SUPT6H: variants seen among roughly 807,000 people sequenced by gnomAD.
SUPT6H encodes transcription elongation factor SPT6.
In SUPT6H, 11 loss-of-function variants were observed where a neutral mutation model predicts 222.3. The ratio of observed to expected loss-of-function variants is 0.05; its 90% CI spans 0.03 to 0.08. The LOEUF (loss-of-function observed/expected upper bound fraction) is 0.08. SUPT6H is among the 10% of genes least tolerant of loss of function. The probability of loss-of-function intolerance (pLI) is 1.00; values close to 1 mark genes in which losing one functional copy is unlikely to be tolerated. For missense variants in SUPT6H, 1,422 were observed against 2,216.0 expected, an observed-to-expected ratio of 0.64 and a Z score of 7.19; for synonymous variants, 762 against 801.2, an observed-to-expected ratio of 0.95 and a Z score of 0.83.
chr17:28,671,444 C>CT (rs1300924708), intron 1 of SUPT6H, among the ~76,000 whole-genome samples: 6 of 152,132 alleles, frequency 3.9e-5, no homozygotes, highest in Non-Finnish European at 7.3e-5. Flanking sequence ...AGCTTGTAGT[C>CT]TAAGTGAGAG....
intron 1 of SUPT6H, among the ~76,000 whole-genome samples, chr17:28,672,170 A>T (rs1416333058): frequency 6.6e-6 from 1 of 152,252 alleles, no homozygotes; most frequent in African/African-American, 2.4e-5. Context: ...AAGTATGAAT[A>T]GTGTATGTAA....
intron 8 of SUPT6H, 48 bp downstream of exon 8, chr17:28,677,864 C>T: frequency 6.5e-7 from 1 of 1,540,904 alleles, no homozygotes; most frequent in South Asian, 1.1e-5. Flanking sequence ...AAAGACACTT[C>T]ATCAAGATGG....
At chr17:28,686,296 T>C (rs2031375812) in intron 19 of SUPT6H, 43 bp from the exon 20 acceptor site, 2 of 1,566,600 alleles carry the variant, frequency 1.3e-6, no homozygotes, top group South Asian at 2.2e-5. Flanking sequence ...CTGAAATCTT[T>C]ACATCCTCAG....
intron 29 of SUPT6H, among the ~76,000 whole-genome samples, chr17:28,696,603 A>G (rs916456851): frequency 4.6e-5 from 7 of 151,136 alleles, no homozygotes; most frequent in African/African-American, 1.7e-4. Context: ...AAAAAAAAAA[A>G]AGCCAGGCAT....
chr17:28,681,840 T>C lies in SUPT6H; in HGVS notation c.1499-42T>C, dbSNP rs1283815068. 1.9e-5 allele frequency: 29 copies of C among 1,550,960 alleles called. No individual in the cohort carries two copies. In the East Asian group the frequency reaches 4.4e-4, roughly 23 times the overall value. On this transcript the variant is annotated intron_variant, in intron 12 of 36. Coordinates refer to ENST00000314616, the MANE Select transcript of SUPT6H (RefSeq NM_003170.5). ...TAATGTGTCAGATCCTTGGGAGTGA[T>C]TGGAAACTAGAACCCTAAATCTCCC...
At chr17:28,678,989 T>C (rs377041146) in intron 11 of SUPT6H, 26 bp downstream of exon 11, 11 of 1,613,796 alleles carry the variant, frequency 6.8e-6, no homozygotes, top group Non-Finnish European at 9.3e-6. Flanking sequence ...TTTATTCCAT[T>C]ATGGGAAGCC....
intron 1 of SUPT6H, among the ~76,000 whole-genome samples, chr17:28,664,379 G>A (rs964228634): frequency 1.3e-5 from 2 of 152,300 alleles, no homozygotes; most frequent in South Asian, 4.1e-4. Context: ...GTGGCGACAC[G>A]CCTGTAATCC....
At chr17:28,679,605 C>T (rs900896432) in intron 11 of SUPT6H, among the ~76,000 whole-genome samples, 3 of 151,756 alleles carry the variant, frequency 2.0e-5, no homozygotes, top group South Asian at 4.2e-4. Flanking sequence ...TGGTCTTGAT[C>T]TCCTGACCTC....
rs1231691123 is a variant in SUPT6H, at chr17:28,689,968, A to C, written c.3343-114A>C. ...TAAATGTTGATGGAAAGAAAAGAAG[A>C]AGCCCTGACAGAAACTTACTCCCAT... On this transcript the variant is annotated intron_variant, in intron 25 of 36. Coordinates refer to ENST00000314616, the MANE Select transcript of SUPT6H (RefSeq NM_003170.5). 7.6e-6 allele frequency: 10 copies of C among 1,311,120 alleles called. No individual in the cohort carries two copies. The South Asian group carries it at 9.3e-5, about 12-fold the overall frequency. 81.2% of individuals were successfully genotyped at this position (1,311,120 alleles called of 1,614,324 possible).
chr17:28,667,428 T>TATATAC (rs1555546918), intron 1 of SUPT6H, among the ~76,000 whole-genome samples: 2 of 134,836 alleles, frequency 1.5e-5, no homozygotes, highest in Non-Finnish European at 3.2e-5. Context: ...TATATATATA[T>TATATAC]ATATATATGT....
Position 28,700,392 on chromosome 17 carries a change from G to T in SUPT6H, c.4686G>T (p.Gln1562His). ...CCCTGCCTCAGAACATGACTTCACA[G>T]ATGTTCAGTGCCATTGCTGCGGTGA... ...VNALPQNMTS[Q>H]MFSAIAAVTG... Residue 1562 changes from glutamine (Q) to histidine (H), a missense_variant, in exon 35 of 37, where the codon CAG becomes CAT. Around this residue, in one of 13 missense-constraint regions of SUPT6H, gnomAD observed 395 missense variants for 580.6 expected, o/e 0.68. Transcript: ENST00000314616. 1 of 1,614,234 alleles carries T rather than the reference G, an allele frequency of 6.2e-7. No individual in the cohort carries two copies. Among genetic ancestry groups the T allele is most frequent in the Non-Finnish European group, 8.5e-7 (1 of 1,180,044 alleles).
chr17:28,693,368 C>T (rs1270069161), intron 27 of SUPT6H, among the ~76,000 whole-genome samples: 24 of 151,206 alleles, frequency 1.6e-4, no homozygotes, highest in Non-Finnish European at 2.1e-4. Context: ...GGCTGAGGCA[C>T]GAGAATCGGC....
At chr17:28,670,619 C>G (rs1025849417) in intron 1 of SUPT6H, among the ~76,000 whole-genome samples, 1 of 152,182 alleles carries the variant, frequency 6.6e-6, no homozygotes, top group African/African-American at 2.4e-5. Flanking sequence ...GGCGCGGTGG[C>G]TCACGCCTGT....
Position 28,686,320 on chromosome 17 carries a change from C to T in SUPT6H, c.2488-19C>T. ...TTACATCCTCAGAGCCATTCAGCTT[C>T]AATTTTCTTTCAATCCAGGCTCAAG... On this transcript the variant is annotated intron_variant, in intron 19 of 36. Transcript: ENST00000314616. 1 of 1,612,618 alleles carries T rather than the reference C, an allele frequency of 6.2e-7. No individual in the cohort carries two copies. The highest frequency in any genetic ancestry group is 8.5e-7 in the Non-Finnish European group (1 of 1,178,692).
rs757056674 is a variant in SUPT6H, at chr17:28,701,677, T to A, written c.*52T>A. ...CCTCTGAGGCTGGGAAAGGCCTGGC[T>A]GCCCACTGCCTCCCTCCCTGCCCCT... On this transcript the variant is annotated 3_prime_UTR_variant, in exon 37 of 37. Transcript: ENST00000314616. The A allele has an allele frequency of 2.0e-6, 3 of 1,531,932 alleles. No individual in the cohort carries two copies. Among genetic ancestry groups the A allele is most frequent in the Non-Finnish European group, 2.7e-6 (3 of 1,130,214 alleles). The allele number at this position is 1,531,932 out of a possible 1,614,324, so 94.9% of individuals were successfully genotyped here.
intron 36 of SUPT6H, 29 bp from the exon 37 acceptor site, chr17:28,701,410 C>T: frequency 1.2e-6 from 2 of 1,606,302 alleles, no homozygotes; most frequent in South Asian, 2.2e-5. Context: ...CTAGCAAAGT[C>T]CCAATCTCAA....
Position 28,700,460 on chromosome 17 carries a change from C to T in SUPT6H, c.4754C>T (p.Ala1585Val). 6.2e-7 allele frequency: 1 copy of T among 1,614,232 alleles called. No homozygotes were observed. The highest frequency in any genetic ancestry group is 8.5e-7 in the Non-Finnish European group (1 of 1,180,040). Residue 1585 changes from alanine (A) to valine (V), a missense_variant, in exon 35 of 37, where the codon GCC becomes GTC. Around this residue, in one of 13 missense-constraint regions of SUPT6H, gnomAD observed 395 missense variants for 580.6 expected, o/e 0.68. Transcript: ENST00000314616. ...QNPNATPAQW[A>V]SSQYGYGGSG... ...CCTAATGCCACCCCAGCCCAGTGGG[C>T]CTCCAGCCAGTACGGCTATGGCGGC... is the stretch of plus-strand genomic sequence containing the variant.
chr17:28,678,017 G>C (rs1362924907), intron 8 of SUPT6H, 59 bp from the exon 9 acceptor site: 1 of 1,542,624 alleles, frequency 6.5e-7, no homozygotes, highest in Admixed American at 1.7e-5. Context: ...AAGCAGTCTT[G>C]TATGGTAAGA....
At chr17:28,679,416 G>T (rs1391015773) in intron 11 of SUPT6H, among the ~76,000 whole-genome samples, 1 of 152,138 alleles carries the variant, frequency 6.6e-6, no homozygotes, top group South Asian at 2.1e-4. Flanking sequence ...AGGCGTGGTG[G>T]CTTCTGCCTG....
Sources: allele counts gnomAD v4.1 joint callset (sites outside exome capture counted in the v4.1 genomes callset), GRCh38; gene constraint gnomAD v4.1.1; regional missense constraint gnomAD v4.1.1; transcripts MANE v1.5; gene names NCBI Gene and HGNC (gene_info 2026-07-23, HGNC 2026-07-21).